The following PDE4D variants were observed in gnomAD, a reference collection of about 807,000 sequenced individuals.
PDE4D encodes the protein phosphodiesterase 4D.
PDE4D carries 24 observed loss-of-function variants against 87.4 expected under a neutral mutation model. The observed-to-expected ratio is 0.27, with a 90% CI of 0.20 to 0.39. The LOEUF is 0.39. Among genes scored for constraint, PDE4D ranks in the 10% least tolerant of loss-of-function variants. PDE4D has a pLI of 1.00. For synonymous variants in PDE4D, 384 were observed against 383.2 expected (o/e 1.00, Z -0.02); for missense variants, 714 against 1,041.0 (o/e 0.69, Z 4.32).
chr5:59,818,959 AT>A (rs1201164502), intron 1 of PDE4D, among the ~76,000 whole-genome samples: 1 of 152,188 alleles, frequency 6.6e-6, no homozygotes, highest in Non-Finnish European at 1.5e-5. Context: ...TTTAAGGACC[AT>A]TAGTAATTTA....
At chr5:60,195,792 A>G (rs2961897) in intron 1 of PDE4D, among the ~76,000 whole-genome samples, 3,519 of 151,804 alleles carry the variant, frequency 0.023, 161 homozygotes, top group Non-Finnish European at 0.032. Context: ...TCATACACCT[A>G]ATGGCTTCAA....
intron 3 of PDE4D, among the ~76,000 whole-genome samples, chr5:59,985,123 CGTTTTTTGTTTTTT>C (rs1168908404): frequency 1.2e-5 from 1 of 80,244 alleles, no homozygotes; most frequent in Non-Finnish European, 3.2e-5. Context: ...CTTCACCTTT[CGTTTTTTGTTTTTT>C]GTTTTTTGTT....
chr5:60,134,509 A>G (rs375030138), intron 2 of PDE4D, among the ~76,000 whole-genome samples: 15 of 152,210 alleles, frequency 9.9e-5, no homozygotes, highest in African/African-American at 3.6e-4. Context: ...GTCTCCAAAA[A>G]CAAACTAAAA....
intron 2 of PDE4D, among the ~76,000 whole-genome samples, chr5:60,058,151 T>C (rs1382489846): frequency 6.6e-6 from 1 of 151,996 alleles, no homozygotes; most frequent in African/African-American, 2.4e-5. Context: ...CTCCTGAATA[T>C]ATAACTTAAG....
intron 1 of PDE4D, among the ~76,000 whole-genome samples, chr5:59,619,478 C>T (rs1379555139): frequency 1.3e-5 from 2 of 152,178 alleles, no homozygotes; most frequent in African/African-American, 4.8e-5. Flanking sequence ...GCCCCAATCC[C>T]TAGTAATTCT....
intron 1 of PDE4D, among the ~76,000 whole-genome samples, chr5:60,519,793 A>G (rs1387992811): frequency 6.6e-6 from 1 of 152,228 alleles, no homozygotes; most frequent in Non-Finnish European, 1.5e-5. Context: ...GTTAAATGAA[A>G]TAGTTTCCTC....
intron 2 of PDE4D, among the ~76,000 whole-genome samples, chr5:59,195,330 G>C (rs1177915597): frequency 1.3e-5 from 2 of 152,162 alleles, no homozygotes; most frequent in Non-Finnish European, 2.9e-5. Flanking sequence ...CAATGGCCCA[G>C]GGTAGGAGCA....
intron 1 of PDE4D, among the ~76,000 whole-genome samples, chr5:59,631,247 G>A (rs1432935148): frequency 6.6e-6 from 1 of 152,092 alleles, no homozygotes; most frequent in African/African-American, 2.4e-5. Flanking sequence ...GTTTAGGTGA[G>A]TTGCCCAAAG....
chr5:59,860,446 T>C (rs933273581), intron 1 of PDE4D, among the ~76,000 whole-genome samples: 2 of 152,196 alleles, frequency 1.3e-5, no homozygotes, highest in Non-Finnish European at 2.9e-5. Context: ...TCTAAATATA[T>C]TATACAATAG....
chr5:59,138,981 G>A lies in PDE4D; in HGVS notation c.808+41614C>T, dbSNP rs144494666. The stretch of plus-strand genomic sequence containing the variant: ...GAATAGCTATCTCAAGGGGCAAGTA[G>A]GTACCCTGCAGTTTCTATAAAAGGT... On this transcript the variant is annotated intron_variant, in intron 5 of 14. Transcript: ENST00000340635. Among the ~76,000 whole-genome samples the A allele has an allele frequency of 3.8e-3, 576 of 152,288 alleles. 2 individuals carry two copies. The highest frequency in any genetic ancestry group is 0.013 in the African/African-American group (553 of 41,566).
At chr5:60,394,895 A>C (rs1363628526) in intron 1 of PDE4D, among the ~76,000 whole-genome samples, 1 of 152,198 alleles carries the variant, frequency 6.6e-6, no homozygotes, top group Non-Finnish European at 1.5e-5. Flanking sequence ...TCCGGTACAA[A>C]CATTTTCTTG....
chr5:59,575,991 G>A (rs1411687810), intron 1 of PDE4D, among the ~76,000 whole-genome samples: 2 of 152,110 alleles, frequency 1.3e-5, no homozygotes, highest in East Asian at 3.9e-4. Flanking sequence ...TATAGAAGAG[G>A]CAGTTTAGAC....
intron 2 of PDE4D, among the ~76,000 whole-genome samples, chr5:60,105,920 C>CCAT (rs1202183163): frequency 1.3e-5 from 2 of 152,164 alleles, no homozygotes; most frequent in African/African-American, 4.8e-5. Flanking sequence ...ATTGTAAAGA[C>CCAT]CATCGATGCT....
At chr5:59,715,004 T>C (rs1218823363) in intron 1 of PDE4D, among the ~76,000 whole-genome samples, 1 of 152,242 alleles carries the variant, frequency 6.6e-6, no homozygotes, top group Non-Finnish European at 1.5e-5. Flanking sequence ...AGAACACCAG[T>C]AGGCTTTTGG....
chr5:59,825,682 C>A lies in PDE4D; in HGVS notation c.455+67486G>T, dbSNP rs147637424. 2.2e-4 allele frequency among the ~76,000 whole-genome samples: 34 copies of A among 152,280 alleles called. No homozygotes were observed. In the East Asian group the frequency reaches 6.6e-3, roughly 29 times the overall value. ...TGTATCCATCCATAAAGCTATAGAA[C>A]TGTAGTATTAGGCTAAAGCTTATTG... On this transcript the variant is annotated intron_variant, in intron 1 of 14. Transcript: ENST00000340635.
At chr5:60,200,774 A>G (rs901141754) in intron 1 of PDE4D, among the ~76,000 whole-genome samples, 1 of 152,192 alleles carries the variant, frequency 6.6e-6, no homozygotes, top group African/African-American at 2.4e-5. Context: ...CAAGATCCAT[A>G]TTATTCATGA....
Position 59,243,019 on chromosome 5 carries a change from C to T in PDE4D, c.456-27051G>A, listed in dbSNP as rs74322471. Among the ~76,000 whole-genome samples, 604 of 152,260 alleles carry T rather than the reference C, an allele frequency of 4.0e-3. 6 individuals are homozygous for T. Among genetic ancestry groups the T allele is most frequent in the African/African-American group, 0.014 (572 of 41,548 alleles). On this transcript the variant is annotated intron_variant, in intron 1 of 14. Coordinates refer to ENST00000340635, the MANE Select transcript of PDE4D (RefSeq NM_001104631.2). ...CTCTACATTTAAGAGACAGCAGGCA[C>T]AGTATTTCTTACGTACATCACAGTT...
intron 1 of PDE4D, among the ~76,000 whole-genome samples, chr5:59,603,417 G>A (rs114496624): frequency 3.5e-3 from 535 of 152,062 alleles, no homozygotes; most frequent in African/African-American, 0.012. Context: ...CTAATCATCA[G>A]AAAAATGCAT....
chr5:59,382,561 G>C (rs544853049), intron 1 of PDE4D, among the ~76,000 whole-genome samples: 1 of 152,128 alleles, frequency 6.6e-6, no homozygotes, highest in Admixed American at 6.5e-5. Context: ...GGTTCTTATA[G>C]ATACCAACAG....
Sources: allele counts gnomAD v4.1 joint callset (sites outside exome capture counted in the v4.1 genomes callset), GRCh38; gene constraint gnomAD v4.1.1; transcripts MANE v1.5; gene names NCBI Gene and HGNC (gene_info 2026-07-23, HGNC 2026-07-21).